The following ANKRD30A variants were observed in gnomAD, a reference collection of about 807,000 sequenced individuals.
ANKRD30A encodes the protein ankyrin repeat domain-containing protein 30A.
A neutral mutation model predicts 166.3 loss-of-function variants in ANKRD30A; 170 were observed. The observed-to-expected ratio is 1.02, with a 90% CI of 0.90 to 1.16. The LOEUF is 1.16. Among genes scored for constraint, ANKRD30A ranks in the 50% most tolerant of loss-of-function variants. The pLI is 0.00. For missense variants in ANKRD30A, 1,630 were observed against 1,518.0 expected, an observed-to-expected ratio of 1.07 and a Z score of -1.23; for synonymous variants, 564 against 508.9, an observed-to-expected ratio of 1.11 and a Z score of -1.46.
In ANKRD30A at chr10:37,136,831, G is replaced by GTGTATATATATATA. The variant is rs67891035; in HGVS notation, c.820+161_820+162insGTATATATATATAT. 2.0e-4 allele frequency among the ~76,000 whole-genome samples: 28 copies of GTGTATATATATATA among 141,982 alleles called. No individual in the cohort carries two copies. The Middle Eastern group carries it at 0.011, about 56-fold the overall frequency. 93.1% of individuals were successfully genotyped at this position (141,982 alleles called of 152,430 possible). On this transcript the variant is annotated intron_variant, in intron 6 of 35. Coordinates refer to ENST00000361713, the MANE Select transcript of ANKRD30A (RefSeq NM_052997.3). ...TGTGTGTATGTGTGTGTGTGTGTGT[G>GTGTATATATATATA]TATATATATATATATATATAGCTTT...
At chr10:37,161,927 A>G (rs1288303208) in intron 15 of ANKRD30A, among the ~76,000 whole-genome samples, 1 of 152,166 alleles carries the variant, frequency 6.6e-6, no homozygotes, top group Non-Finnish European at 1.5e-5. Context: ...TTTAAGATAA[A>G]TATTGTGGTG....
rs531217827 is a variant in ANKRD30A at position 37,227,818 on chromosome 10, A to G, written c.4186-3643A>G. 1.2e-4 allele frequency among the ~76,000 whole-genome samples: 19 copies of G among 152,122 alleles called. No homozygotes were observed. In the South Asian group the frequency reaches 2.9e-3, roughly 23 times the overall value. ...TCTACTATTTCATGCATTAGGTTCT[A>G]TTAACTCATTGTAATTTGTACAATC... On this transcript the variant is annotated intron_variant, in intron 34 of 35. Transcript: ENST00000361713.
intron 27 of ANKRD30A, among the ~76,000 whole-genome samples, chr10:37,196,135 G>T (rs1288531317): frequency 1.4e-5 from 2 of 141,834 alleles, no homozygotes; most frequent in African/African-American, 5.3e-5. Flanking sequence ...TTCTAGGCAG[G>T]TAACAGGGGA....
chr10:37,199,508 T>C (rs1841443983), intron 29 of ANKRD30A, among the ~76,000 whole-genome samples: 1 of 152,046 alleles, frequency 6.6e-6, no homozygotes, highest in Admixed American at 6.6e-5. Flanking sequence ...AAATTTATAT[T>C]TTTGTGCATT....
intron 6 of ANKRD30A, among the ~76,000 whole-genome samples, chr10:37,139,410 C>G (rs554185076): frequency 1.3e-5 from 2 of 152,176 alleles, no homozygotes; most frequent in Non-Finnish European, 2.9e-5. Context: ...TCAACACACC[C>G]GTGGGTAATT....
intron 7 of ANKRD30A, among the ~76,000 whole-genome samples, chr10:37,142,570 CTTTTTTTTTTTTT>C (rs869026268): frequency 0.058 from 4,614 of 79,052 alleles, 121 homozygotes; most frequent in South Asian, 0.089. Flanking sequence ...TAGGATCACA[CTTTTTTTTTTTTT>C]TTTTTTTTTT....
chr10:37,179,300 T>C (rs1487733776), intron 24 of ANKRD30A, among the ~76,000 whole-genome samples: 5 of 150,788 alleles, frequency 3.3e-5, no homozygotes, highest in Non-Finnish European at 7.4e-5. Context: ...TTTTACTGAT[T>C]TTAACGTAGA....
chr10:37,142,683 G>A (rs563441533), intron 7 of ANKRD30A, among the ~76,000 whole-genome samples: 75 of 144,918 alleles, frequency 5.2e-4, no homozygotes, highest in African/African-American at 1.6e-3. Context: ...CCGCCTCCCA[G>A]GTTCATGTGA....
rs1841067004 is a variant in ANKRD30A at position 37,196,090 on chromosome 10, T to C, written c.2615-1191T>C. 4.5e-5 allele frequency among the ~76,000 whole-genome samples: 6 copies of C among 134,672 alleles called. No homozygotes were observed. In the South Asian group the frequency reaches 1.3e-3, roughly 30 times the overall value. 88.4% of individuals were successfully genotyped at this position (134,672 alleles called of 152,430 possible). ...CAGAGTTAGAGGTTTTTTTATATTT[T>C]CTATTTTTTTTTTTTTTTTTTTGTA... On this transcript the variant is annotated intron_variant, in intron 27 of 35. Transcript: ENST00000361713.
Position 37,221,065 on chromosome 10 carries a change from G to A in ANKRD30A, c.4185+1168G>A, listed in dbSNP as rs543254262. 2.0e-3 allele frequency among the ~76,000 whole-genome samples: 261 copies of A among 131,878 alleles called. 1 individual carries two copies. The highest frequency in any genetic ancestry group is 6.8e-3 in the African/African-American group (247 of 36,086). 86.5% of individuals were successfully genotyped at this position (131,878 alleles called of 152,430 possible). A position where few individuals can be genotyped will look rare whatever the true frequency, so the allele number is the denominator to read the frequency against. ...CCACATTTTTTTTTTTTTTTTTTGA[G>A]ACTTCAGTAGGTTGTGAAGCATTAC... On this transcript the variant is annotated intron_variant, in intron 34 of 35. Transcript: ENST00000361713.
chr10:37,218,117 T>C (rs1037688793), intron 33 of ANKRD30A, among the ~76,000 whole-genome samples: 23 of 151,056 alleles, frequency 1.5e-4, no homozygotes, highest in African/African-American at 5.5e-4. Context: ...ATATAGTTAG[T>C]GATAATTTAT....
At chr10:37,247,054 C>T in the ANKRD30A span, among the ~76,000 whole-genome samples, 2 of 152,120 alleles carry the variant, frequency 1.3e-5, no homozygotes, top group Admixed American at 6.5e-5. Context: ...AAAATTACAA[C>T]AATTTAAAAT....
At chr10:37,133,508 G>A (rs760824604) in intron 4 of ANKRD30A, among the ~76,000 whole-genome samples, 5 of 152,156 alleles carry the variant, frequency 3.3e-5, no homozygotes, top group Admixed American at 6.5e-5. Flanking sequence ...ACTAAACTTA[G>A]CATGACTACT....
intron 24 of ANKRD30A, among the ~76,000 whole-genome samples, chr10:37,183,491 T>G (rs1840174384): frequency 1.4e-5 from 2 of 146,850 alleles, no homozygotes; most frequent in African/African-American, 5.0e-5. Context: ...CCTCTGAGTC[T>G]TTTCTCTCTT....
chr10:37,235,063 G>A (rs1282708762), downstream of ANKRD30A, among the ~76,000 whole-genome samples: 1 of 152,170 alleles, frequency 6.6e-6, no homozygotes, highest in Non-Finnish European at 1.5e-5. Flanking sequence ...TAATAGTTAT[G>A]GCAATCATTC....
At chr10:37,143,827 T>G (rs777676033) in intron 7 of ANKRD30A, among the ~76,000 whole-genome samples, 4 of 152,172 alleles carry the variant, frequency 2.6e-5, no homozygotes, top group African/African-American at 4.8e-5. Flanking sequence ...GGCCTATAGT[T>G]TGCTGGCCCT....
At chr10:37,127,510 A>ATG (rs1029464951) in intron 1 of ANKRD30A, among the ~76,000 whole-genome samples, 16 of 151,842 alleles carry the variant, frequency 1.1e-4, no homozygotes, top group African/African-American at 4.8e-5. Context: ...CTACATATGT[A>ATG]TGTGTGTGTG....
intron 9 of ANKRD30A, 100 bp from the exon 10 acceptor site, chr10:37,149,551 A>G (rs2132551899): frequency 7.1e-7 from 1 of 1,404,828 alleles, no homozygotes; most frequent in African/African-American, 1.4e-5. Flanking sequence ...TCGTTCTCAA[A>G]GTCGACCAAG....
chr10:37,158,536 C>T lies in ANKRD30A; in HGVS notation c.1850C>T (p.Ser617Phe). The T allele has an allele frequency of 6.2e-7, 1 of 1,613,508 alleles. No individual in the cohort carries two copies. The highest frequency in any genetic ancestry group is 8.5e-7 in the Non-Finnish European group (1 of 1,179,690). ...TAGGCTACCTGCGGAATGAAAGTTT[C>T]TATTCCAACTAAAGCCTTAGAATTG... Reference protein sequence around the residue: ...LLKATCGMKVSIPTKALELKD... With the variant: ...LLKATCGMKVFIPTKALELKD... The change falls in exon 15 of 36, where the codon TCT (serine) becomes TTT (phenylalanine). Residue 617 changes from serine (S) to phenylalanine (F), a missense_variant. Coordinates refer to ENST00000361713, the MANE Select transcript of ANKRD30A (RefSeq NM_052997.3).
Sources: allele counts gnomAD v4.1 joint callset (sites outside exome capture counted in the v4.1 genomes callset), GRCh38; gene constraint gnomAD v4.1.1; transcripts MANE v1.5; gene names NCBI Gene and HGNC (gene_info 2026-07-23, HGNC 2026-07-21).